Variants in DNAJC3 observed in about 807,000 individuals in gnomAD.
DNAJC3 encodes dnaJ homolog subfamily C member 3.
In DNAJC3, 38 loss-of-function variants were observed where a neutral mutation model predicts 68.6. The ratio of observed to expected loss-of-function variants is 0.55; its 90% confidence interval spans 0.43 to 0.73. DNAJC3 has a LOEUF of 0.73. Ranked by LOEUF, DNAJC3 falls within the 30% of genes least tolerant of loss-of-function variation. The probability of loss-of-function intolerance (pLI) is 0.00; values close to 1 mark genes in which losing one functional copy is unlikely to be tolerated. For missense variants in DNAJC3, 526 were observed against 591.9 expected (o/e 0.89, Z 1.16); for synonymous variants, 203 against 204.0 (o/e 1.00, Z 0.04).
intron 4 of DNAJC3, among the ~76,000 whole-genome samples, chr13:95,743,773 A>G (rs73552758): frequency 0.017 from 2,593 of 152,162 alleles, 81 homozygotes; most frequent in African/African-American, 0.06. Context: ...TGGCCAGGCT[A>G]GTGTTGAACT....
At chr13:95,699,504 A>G (rs188621222) in intron 1 of DNAJC3, among the ~76,000 whole-genome samples, 17 of 152,288 alleles carry the variant, frequency 1.1e-4, no homozygotes, top group Admixed American at 4.6e-4. Context: ...ATGTTATGTT[A>G]AATGATAGGT....
At chr13:95,748,810 C>T (rs545861842) in intron 4 of DNAJC3, among the ~76,000 whole-genome samples, 33 of 152,178 alleles carry the variant, frequency 2.2e-4, no homozygotes, top group African/African-American at 7.0e-4. Flanking sequence ...AGCCAGACTC[C>T]GTCTCAAAAC....
intron 2 of DNAJC3, among the ~76,000 whole-genome samples, chr13:95,714,719 T>G (rs934271449): frequency 1.3e-5 from 2 of 152,252 alleles, no homozygotes; most frequent in Non-Finnish European, 2.9e-5. Context: ...AGCATGGCAA[T>G]TTAAATTCTT....
intron 4 of DNAJC3, chr13:95,742,878 T>C: frequency 3.9e-6 from 2 of 507,448 alleles, no homozygotes; most frequent in Non-Finnish European, 7.9e-6. Context: ...TCTAAAACTT[T>C]TCTCATATCT....
At chr13:95,758,682 A>T (rs1383015218) in intron 5 of DNAJC3, among the ~76,000 whole-genome samples, 1 of 152,102 alleles carries the variant, frequency 6.6e-6, no homozygotes, top group Non-Finnish European at 1.5e-5. Context: ...TAGCTAGGGA[A>T]ACCTGAGTCT....
intron 1 of DNAJC3, among the ~76,000 whole-genome samples, chr13:95,696,584 A>G (rs1020999373): frequency 7.2e-5 from 11 of 152,094 alleles, no homozygotes; most frequent in African/African-American, 2.7e-4. Flanking sequence ...AAAATTTTAA[A>G]TTGTTGTTGG....
intron 4 of DNAJC3, among the ~76,000 whole-genome samples, chr13:95,725,693 CTTTAAG>C (rs1031518456): frequency 9.5e-5 from 14 of 148,126 alleles, no homozygotes; most frequent in African/African-American, 3.2e-4. Context: ...TATTATTATA[CTTTAAG>C]TTTTAGGGTA....
rs571918365 is a variant in DNAJC3, at chr13:95,768,933, C to T, written c.1075+4980C>T. ...GAACTTGCAGTGAGCCGAGATCACGCCATTGCATTCCAGCCTGGGCAACAT... is the reference window on the plus strand; with the variant it reads ...GAACTTGCAGTGAGCCGAGATCACGTCATTGCATTCCAGCCTGGGCAACAT... On this transcript the variant is annotated intron_variant, in intron 9 of 11. Transcript: ENST00000602402. Among the ~76,000 whole-genome samples, 30 of 152,234 alleles carry T rather than the reference C, an allele frequency of 2.0e-4. No homozygotes were observed. In the South Asian group the frequency reaches 6.2e-3, roughly 32 times the overall value.
chr13:95,723,217 G>A (rs1242470441), intron 2 of DNAJC3, 25 bp from the exon 3 acceptor site: 1 of 1,558,488 alleles, frequency 6.4e-7, no homozygotes, highest in East Asian at 2.3e-5. Context: ...AAATGACTAA[G>A]AGGTAATATT....
chr13:95,781,814 T>G (rs541720212), intron 9 of DNAJC3, among the ~76,000 whole-genome samples: 12 of 152,074 alleles, frequency 7.9e-5, no homozygotes, highest in Non-Finnish European at 1.5e-4. Context: ...TGTGTGTTTT[T>G]TTTTTTTTAC....
chr13:95,702,305 T>A (rs976112427), intron 1 of DNAJC3, among the ~76,000 whole-genome samples: 1 of 152,222 alleles, frequency 6.6e-6, no homozygotes, highest in African/African-American at 2.4e-5. Flanking sequence ...TCTTCTGTAA[T>A]GTCCTTCAGC....
chr13:95,707,114 C>T (rs546990935), intron 1 of DNAJC3, among the ~76,000 whole-genome samples: 11 of 152,162 alleles, frequency 7.2e-5, no homozygotes, highest in East Asian at 1.9e-4. Flanking sequence ...GTTAGATTCT[C>T]ATAAGGAATG....
chr13:95,777,335 C>T (rs1030379947), intron 9 of DNAJC3, among the ~76,000 whole-genome samples: 2 of 152,166 alleles, frequency 1.3e-5, no homozygotes, highest in Admixed American at 1.3e-4. Flanking sequence ...GATATGTCTT[C>T]TTGTTGCCCA....
chr13:95,677,161 G>C lies in DNAJC3; in HGVS notation c.-95G>C, dbSNP rs1566461332. 2.5e-6 allele frequency: 3 copies of C among 1,190,318 alleles called. No individual in the cohort carries two copies. The highest frequency in any genetic ancestry group is 3.5e-6 in the Non-Finnish European group (3 of 850,896). 73.7% of individuals were successfully genotyped at this position (1,190,318 alleles called of 1,614,324 possible). On this transcript the variant is annotated 5_prime_UTR_variant, in exon 1 of 12. Transcript: ENST00000602402. ...TCCAGAGCCACTGAGGCCTGAGCGA[G>C]AGCCGACGGCGGGCGGGCGCAGCTG... is the stretch of plus-strand genomic sequence containing the variant.
At chr13:95,772,197 A>G (rs1883177298) in intron 9 of DNAJC3, among the ~76,000 whole-genome samples, 1 of 152,310 alleles carries the variant, frequency 6.6e-6, no homozygotes, top group South Asian at 2.1e-4. Context: ...TTTCCACTAT[A>G]AAAAAGCAGA....
intron 10 of DNAJC3, among the ~76,000 whole-genome samples, chr13:95,786,278 A>C (rs1373905996): frequency 6.6e-6 from 1 of 152,212 alleles, no homozygotes; most frequent in African/African-American, 2.4e-5. Flanking sequence ...ATGCAACAAC[A>C]GAATTAGTAG....
intron 4 of DNAJC3, among the ~76,000 whole-genome samples, chr13:95,746,325 CTGAT>C (rs1882305893): frequency 6.6e-6 from 1 of 152,192 alleles, no homozygotes; most frequent in African/African-American, 2.4e-5. Flanking sequence ...ACTGATAACA[CTGAT>C]TACCTTCTGG....
chr13:95,787,606 A>G (rs769890406), intron 11 of DNAJC3, among the ~76,000 whole-genome samples: 28 of 151,746 alleles, frequency 1.8e-4, no homozygotes, highest in Non-Finnish European at 3.7e-4. Flanking sequence ...GCTTTGCCCC[A>G]TATGTGTTCA....
At chr13:95,757,434 GATCTGTTGTTCATGCTCATGGACC>G (rs1882695510) in intron 4 of DNAJC3, among the ~76,000 whole-genome samples, 186 bp from the exon 5 acceptor site, 1 of 152,114 alleles carries the variant, frequency 6.6e-6, no homozygotes, top group South Asian at 2.1e-4. Flanking sequence ...TCTGAGTCTA[GATCTGTTGTTCATGCTCATGGACC>G]ATATCGGTAG....
Sources: gnomAD v4.1 joint callset for allele counts (sites outside exome capture counted in the v4.1 genomes callset) on GRCh38, gnomAD v4.1.1 for gene constraint, MANE v1.5 for transcripts, NCBI Gene and HGNC (gene_info 2026-07-23, HGNC 2026-07-21) for gene names.